The following SLC5A10 variants were observed in gnomAD, a reference collection of about 807,000 sequenced individuals.
The protein encoded by SLC5A10 is solute carrier family 5 member 10.
In SLC5A10, 55 loss-of-function variants were observed where a neutral mutation model predicts 68.9. The ratio of observed to expected loss-of-function variants is 0.80; its 90% CI spans 0.64 to 1.00. The LOEUF is 1.00. Among genes scored for constraint, SLC5A10 ranks in the 50% least tolerant of loss-of-function variants. SLC5A10 has a pLI of 0.00. For missense variants in SLC5A10, 732 were observed against 819.3 expected, an observed-to-expected ratio of 0.89 and a Z score of 1.30; for synonymous variants, 344 against 344.8, an observed-to-expected ratio of 1.00 and a Z score of 0.02.
Position 18,971,303 on chromosome 17 carries a change from C to T in SLC5A10, c.846+85C>T, listed in dbSNP as rs566888525. On this transcript the variant is annotated intron_variant, in intron 8 of 14. Coordinates refer to ENST00000395645, the MANE Select transcript of SLC5A10 (RefSeq NM_001042450.4). The surrounding 1 kb of genome is among the most constrained non-coding windows in gnomAD (Gnocchi z 5.5). ...GCCCAGGCGGCCTGTCTGCCCTCCG[C>T]GTCATGAGTCTGGGCTGGGGCCTCA... is the stretch of plus-strand genomic sequence containing the variant. 1.1e-3 allele frequency: 1,768 copies of T among 1,608,052 alleles called. 5 individuals carry two copies. The highest frequency in any genetic ancestry group is 1.7e-3 in the South Asian group (152 of 90,712).
chr17:18,973,916 A>T (rs1266541603), intron 8 of SLC5A10, among the ~76,000 whole-genome samples: 4 of 108,550 alleles, frequency 3.7e-5, no homozygotes, highest in East Asian at 5.1e-4. Context: ...TCCCAGAGAC[A>T]TAGTCTTGTT....
At chr17:19,013,135 C>A (rs1385662469) in intron 9 of SLC5A10, among the ~76,000 whole-genome samples, 2 of 152,184 alleles carry the variant, frequency 1.3e-5, no homozygotes, top group African/African-American at 4.8e-5. Context: ...TAATGGCGGA[C>A]CTCACACAGC....
chr17:18,984,936 C>A (rs1003075929), intron 9 of SLC5A10, among the ~76,000 whole-genome samples: 5 of 152,248 alleles, frequency 3.3e-5, no homozygotes, highest in African/African-American at 7.2e-5. Flanking sequence ...TGGCTGGGAG[C>A]CCCACATTTG....
chr17:19,011,822 G>A (rs934412357), intron 9 of SLC5A10, among the ~76,000 whole-genome samples: 2 of 151,782 alleles, frequency 1.3e-5, no homozygotes, highest in Non-Finnish European at 2.9e-5. Flanking sequence ...TGCCAGGGTA[G>A]GGGACACTGC....
chr17:18,966,017 G>A lies in SLC5A10; in HGVS notation c.454-3035G>A, dbSNP rs115751501. 1.7e-3 allele frequency among the ~76,000 whole-genome samples: 256 copies of A among 152,354 alleles called. 2 individuals are homozygous for A. Among genetic ancestry groups the A allele is most frequent in the African/African-American group, 5.9e-3 (246 of 41,580 alleles). On this transcript the variant is annotated intron_variant, in intron 5 of 14. Coordinates refer to ENST00000395645, the MANE Select transcript of SLC5A10 (RefSeq NM_001042450.4). ...GAGACCTGAAAGACATCAGGGCGCCGTGTGGCACACACGCACATTTGTCAC... is the reference window on the plus strand; with the variant it reads ...GAGACCTGAAAGACATCAGGGCGCCATGTGGCACACACGCACATTTGTCAC...
chr17:19,018,420 A>C lies in SLC5A10; in HGVS notation c.1242-1003A>C, dbSNP rs906980040. 6.6e-6 allele frequency: 1 copy of C among 152,128 alleles called. No homozygotes were observed. The highest frequency in any genetic ancestry group is 1.5e-5 in the Non-Finnish European group (1 of 68,028). 9.4% of individuals were successfully genotyped at this position (152,128 alleles called of 1,614,324 possible). ...TCCTCCTGAAAGCCCTCCTAGATTG[A>C]TGTTTCCTCTGAGCTGCTCCAGCCC... is the stretch of plus-strand genomic sequence containing the variant. On this transcript the variant is annotated intron_variant, in intron 11 of 14. Transcript: ENST00000395645. The surrounding 1 kb of genome is among the most constrained non-coding windows in gnomAD (Gnocchi z 4.2).
chr17:18,990,773 G>A (rs1284232074), intron 9 of SLC5A10, among the ~76,000 whole-genome samples: 1 of 142,632 alleles, frequency 7.0e-6, no homozygotes, highest in Admixed American at 7.1e-5. Context: ...ACGAGCTTAT[G>A]CTGGGGATGG....
At position 18,971,164 on chromosome 17, in the gene SLC5A10, C is replaced by G. The variant is rs139582120; in HGVS notation, c.792C>G (p.Thr264=). The change falls in exon 8 of 15, where the codon ACC becomes ACG. Residue 264 remains threonine, a synonymous_variant. Transcript: ENST00000395645. This position sits in a 1 kb window ranked among gnomAD's most constrained non-coding sequence, Gnocchi z 5.5. ...CCCACACAGGGGACCTGCCGTGGAC[C>G]GGGATGACCTTTGGCCTGACCATCA... The part of the protein sequence containing the change: ...RDPHTGDLPW[T]GMTFGLTIMA... 14 of 1,613,972 alleles carry G rather than the reference C, an allele frequency of 8.7e-6. No individual in the cohort carries two copies. Among genetic ancestry groups the G allele is most frequent in the Non-Finnish European group, 1.2e-5 (14 of 1,180,052 alleles).
rs1444993312 is a variant in SLC5A10, at chr17:18,968,901, C to G, written c.454-151C>G. 6.1e-6 allele frequency: 4 copies of G among 655,258 alleles called. No individual in the cohort carries two copies. The highest frequency in any genetic ancestry group is 1.0e-5 in the Non-Finnish European group (4 of 388,672). The allele number at this position is 655,258 out of a possible 1,614,324, so 40.6% of individuals were successfully genotyped here. ...GTCTTCCCCCAACCTCACAATGGCC[C>G]CGTGATGCAGGCAGGCAGGCGAGTG... On this transcript the variant is annotated intron_variant, in intron 5 of 14. Coordinates refer to ENST00000395645, the MANE Select transcript of SLC5A10 (RefSeq NM_001042450.4). This position sits in a 1 kb window ranked among gnomAD's most constrained non-coding sequence, Gnocchi z 4.1.
rs570850052 is a variant in SLC5A10 at position 19,017,570 on chromosome 17, G to C, written c.1242-1853G>C. Reference sequence around the variant, plus strand: ...GAGGCTGGAGGAGCCGTCACAGGCTGGGGGAGAGCGATGACCCGCCCCCAC... The same window carrying C: ...GAGGCTGGAGGAGCCGTCACAGGCTCGGGGAGAGCGATGACCCGCCCCCAC... On this transcript the variant is annotated intron_variant, in intron 11 of 14. Transcript: ENST00000395645. The surrounding 1 kb of genome is among the most constrained non-coding windows in gnomAD (Gnocchi z 5.6). 4 of 618,624 alleles carry C rather than the reference G, an allele frequency of 6.5e-6. No individual in the cohort carries two copies. The Admixed American group carries it at 8.7e-5, about 14-fold the overall frequency. The allele number at this position is 618,624 out of a possible 1,614,324, so 38.3% of individuals were successfully genotyped here.
intron 2 of SLC5A10, 113 bp from the exon 3 acceptor site, chr17:18,959,022 G>A: frequency 1.9e-6 from 2 of 1,039,454 alleles, no homozygotes; most frequent in Non-Finnish European, 2.8e-6. Context: ...TCATCCGTGA[G>A]GTGGGGCTAG....
Position 19,015,197 on chromosome 17 carries a change from A to ACGGTACGGGGGTGGAGGC in SLC5A10, c.1241+12_1241+13insAGGCCGGTACGGGGGTGG. On this transcript the variant is annotated inframe_insertion and splice_region_variant, in exon 11 of 15. Transcript: ENST00000395645. ...GCGAGCGGGAGCTCCTGCTGGTGGG[A>ACGGTACGGGGGTGGAGGC]CGGTACGGGGGTGGGGGCCAGTACG... 1 of 907,520 alleles carries ACGGTACGGGGGTGGAGGC rather than the reference A, an allele frequency of 1.1e-6. No individual in the cohort carries two copies. The highest frequency in any genetic ancestry group is 1.7e-6 in the Non-Finnish European group (1 of 594,040). The allele number at this position is 907,520 out of a possible 1,614,324, so 56.2% of individuals were successfully genotyped here.
chr17:19,013,260 T>C (rs1045908990), intron 9 of SLC5A10, 150 bp from the exon 10 acceptor site: 8 of 1,277,808 alleles, frequency 6.3e-6, no homozygotes, highest in African/African-American at 6.2e-5. Context: ...GTGGCTCAGA[T>C]TGTGAAACTG....
chr17:18,956,538 G>A (rs1597811230), intron 1 of SLC5A10, among the ~76,000 whole-genome samples: 2 of 142,336 alleles, frequency 1.4e-5, no homozygotes, highest in East Asian at 2.2e-4. Context: ...GGGCAGTGGC[G>A]CCATCTTGGC....
chr17:18,988,230 G>C, intron 9 of SLC5A10: 1 of 1,602,856 alleles, frequency 6.2e-7, no homozygotes, highest in Non-Finnish European at 8.5e-7. Context: ...ACCCAGGCAA[G>C]TGAGGAGCCT....
intron 6 of SLC5A10, 51 bp downstream of exon 6, chr17:18,969,208 A>G (rs2074273): frequency 0.072 from 115,397 of 1,595,926 alleles, 7,279 homozygotes; most frequent in South Asian, 0.29. Context: ...TAAAGGGGTC[A>G]GAAGGCCACC....
Position 18,959,606 on chromosome 17 carries a change from C to G in SLC5A10, c.291C>G (p.Ala97=). 1.9e-6 allele frequency: 3 copies of G among 1,613,834 alleles called. No homozygotes were observed. The highest frequency in any genetic ancestry group is 2.5e-6 in the Non-Finnish European group (3 of 1,179,978). ...GLAVAGFEWN[A]TYVLLALAWV... is the part of the protein sequence containing the mutation. ...CTCACCTGTCTCTGTCCCCATAGGC[C>G]ACGTACGTGCTGCTGGCACTGGCAT... Residue 97 remains alanine (A), a splice_region_variant and synonymous_variant, in exon 4 of 15, where the codon GCC becomes GCG. Transcript: ENST00000395645.
chr17:18,967,326 GC>G (rs2042731084), intron 5 of SLC5A10, among the ~76,000 whole-genome samples: 1 of 152,132 alleles, frequency 6.6e-6, no homozygotes, highest in Non-Finnish European at 1.5e-5. Context: ...AGTCTTTGGG[GC>G]CTGCCACCGT....
At position 18,976,799 on chromosome 17, in the gene SLC5A10, C is replaced by G. The variant is rs1262196794; in HGVS notation, c.847-55C>G. On this transcript the variant is annotated intron_variant, in intron 8 of 14. Transcript: ENST00000395645. ...CCCTGAGGCCCACCAAGGACCAATC[C>G]TGACACAAGTGTCCCTCAGGCTTGG... The G allele has an allele frequency of 1.9e-6, 3 of 1,599,178 alleles. No homozygotes were observed. In the East Asian group the frequency reaches 6.7e-5, roughly 36 times the overall value.
Sources: allele counts gnomAD v4.1 joint callset (sites outside exome capture counted in the v4.1 genomes callset), GRCh38; gene constraint gnomAD v4.1.1; non-coding constraint Gnocchi (gnomAD v3.1); transcripts MANE v1.5; gene names NCBI Gene and HGNC (gene_info 2026-07-23, HGNC 2026-07-21).